The following EDARADD variants were observed in gnomAD, a reference collection of about 807,000 sequenced individuals.
EDARADD encodes the protein EDAR associated via death domain.
In EDARADD, 20 loss-of-function variants were observed where a neutral mutation model predicts 25.6. That is an observed-to-expected ratio of 0.78 (90% confidence interval 0.55 to 1.14). The LOEUF (loss-of-function observed/expected upper bound fraction) is 1.14. Among genes scored for constraint, EDARADD ranks in the 50% most tolerant of loss-of-function variants. The pLI is 0.00. For synonymous variants in EDARADD, 86 were observed against 94.4 expected (o/e 0.91, Z 0.52); for missense variants, 225 against 270.1 (o/e 0.83, Z 1.17).
intron 2 of EDARADD, among the ~76,000 whole-genome samples, chr1:236,411,680 C>G (rs893021107): frequency 6.6e-6 from 1 of 152,042 alleles, no homozygotes; most frequent in Non-Finnish European, 1.5e-5. Flanking sequence ...TCCCAAGTAG[C>G]TGGGATTACA....
chr1:236,483,626 T>C lies in EDARADD; in HGVS notation c.*977T>C. On this transcript the variant is annotated 3_prime_UTR_variant, in exon 6 of 6. Coordinates refer to ENST00000334232, the MANE Select transcript of EDARADD (RefSeq NM_145861.4). ...CAGTCCCGGTGTTCAATGTCATCAATGGCAGTTCTCATGCTGTCACCAAGC... is the reference window on the plus strand; with the variant it reads ...CAGTCCCGGTGTTCAATGTCATCAACGGCAGTTCTCATGCTGTCACCAAGC... The C allele has an allele frequency of 1.3e-6, 2 of 1,554,794 alleles. No homozygotes were observed. The highest frequency in any genetic ancestry group is 1.8e-4 in the Middle Eastern group (1 of 5,438).
chr1:236,366,181 G>T (rs563973044), intron 3 of EDARADD, among the ~76,000 whole-genome samples: 1 of 152,310 alleles, frequency 6.6e-6, no homozygotes, highest in South Asian at 2.1e-4. Context: ...CAGACATTGT[G>T]ACTTTATCTT....
chr1:236,444,206 T>C (rs1420647631), intron 4 of EDARADD, among the ~76,000 whole-genome samples: 2 of 152,232 alleles, frequency 1.3e-5, no homozygotes, highest in Non-Finnish European at 2.9e-5. Context: ...CAAAAATTTA[T>C]GTGACCTGCT....
chr1:236,472,942 A>AG (rs1184366537), intron 5 of EDARADD, among the ~76,000 whole-genome samples: 4 of 152,066 alleles, frequency 2.6e-5, no homozygotes, highest in African/African-American at 9.7e-5. Flanking sequence ...ACACCAAAAA[A>AG]ACTTGCATCA....
chr1:236,467,499 T>C (rs1008953206), intron 4 of EDARADD, among the ~76,000 whole-genome samples: 10 of 151,634 alleles, frequency 6.6e-5, no homozygotes, highest in Non-Finnish European at 1.0e-4. Flanking sequence ...CTCACATCCC[T>C]GTAGCATGAT....
At chr1:236,412,363 G>A (rs894565507) in intron 2 of EDARADD, among the ~76,000 whole-genome samples, 2 of 152,122 alleles carry the variant, frequency 1.3e-5, no homozygotes, top group African/African-American at 4.8e-5. Context: ...AATTGTCATT[G>A]CCTGCTTGTC....
chr1:236,366,061 T>C (rs1276436593), intron 3 of EDARADD, among the ~76,000 whole-genome samples: 2 of 152,220 alleles, frequency 1.3e-5, no homozygotes, highest in East Asian at 3.8e-4. Flanking sequence ...ATGTAACAGA[T>C]ATAACGCTAA....
In EDARADD at chr1:236,353,678, C is replaced by CAAAAAA. The variant is rs34798233; in HGVS notation, c.-6+2854_-6+2859dup. ...GGGCAACAGAGCGAGACTCCAACTCCAAAAAAAAAAAAAAAAAAAAGATAT... is the reference window on the plus strand; with the variant it reads ...GGGCAACAGAGCGAGACTCCAACTCCAAAAAAAAAAAAAAAAAAAAAAAAAAGATAT... On this transcript the variant is annotated intron_variant, in intron 3 of 7. Coordinates refer to the EDARADD transcript ENST00000439430. 3.8e-3 allele frequency among the ~76,000 whole-genome samples: 296 copies of CAAAAAA among 78,412 alleles called. 4 individuals carry two copies. Among genetic ancestry groups the CAAAAAA allele is most frequent in the African/African-American group, 9.5e-3 (194 of 20,482 alleles). The allele number at this position is 78,412 out of a possible 152,430, so 51.4% of individuals were successfully genotyped here. A position where few individuals can be genotyped will look rare whatever the true frequency, so the allele number is the denominator to read the frequency against.
At chr1:236,362,081 C>G (rs1418274348) in intron 3 of EDARADD, among the ~76,000 whole-genome samples, 1 of 151,834 alleles carries the variant, frequency 6.6e-6, no homozygotes, top group Admixed American at 6.6e-5. Context: ...GTATTGTCAT[C>G]TGTTTCTTTT....
chr1:236,423,186 A>G (rs1342492047), intron 3 of EDARADD, among the ~76,000 whole-genome samples: 2 of 152,178 alleles, frequency 1.3e-5, no homozygotes, highest in African/African-American at 4.8e-5. Flanking sequence ...CTGACTTGCA[A>G]GTACTGGCAT....
chr1:236,381,398 T>C (rs905798062), intron 3 of EDARADD, among the ~76,000 whole-genome samples: 2 of 152,108 alleles, frequency 1.3e-5, no homozygotes. Flanking sequence ...AACGTGCAGG[T>C]TTGTTACATA....
intron 3 of EDARADD, among the ~76,000 whole-genome samples, chr1:236,418,759 T>C (rs1657706704): frequency 6.6e-6 from 1 of 152,218 alleles, no homozygotes; most frequent in South Asian, 2.1e-4. Flanking sequence ...CAATATGTTG[T>C]ATTTGATATG....
chr1:236,400,752 A>G (rs1194495486), intron 1 of EDARADD, among the ~76,000 whole-genome samples: 4 of 125,310 alleles, frequency 3.2e-5, no homozygotes, highest in African/African-American at 5.6e-5. Flanking sequence ...TTTTTAGTAG[A>G]GATGGGGTCT....
chr1:236,428,459 A>T (rs1267165722), intron 4 of EDARADD, among the ~76,000 whole-genome samples: 1 of 152,140 alleles, frequency 6.6e-6, no homozygotes, highest in African/African-American at 2.4e-5. Flanking sequence ...CATCGTCATC[A>T]TGGCCTGTTC....
At chr1:236,428,637 C>A (rs1331894897) in intron 4 of EDARADD, among the ~76,000 whole-genome samples, 33 of 140,948 alleles carry the variant, frequency 2.3e-4, no homozygotes, top group African/African-American at 7.1e-4. Flanking sequence ...CGGAGACGCT[C>A]CTCACTTCCT....
chr1:236,448,968 A>G (rs1658637137), intron 4 of EDARADD, among the ~76,000 whole-genome samples: 1 of 152,174 alleles, frequency 6.6e-6, no homozygotes, highest in Admixed American at 6.6e-5. Context: ...CTCAAACAAC[A>G]GAGATTTATG....
At chr1:236,348,477 G>A (rs1480596610) in intron 1 of EDARADD, among the ~76,000 whole-genome samples, 1 of 152,224 alleles carries the variant, frequency 6.6e-6, no homozygotes, top group Non-Finnish European at 1.5e-5. Flanking sequence ...CCGTCGCCGC[G>A]CCCCTCCCTG....
intron 1 of EDARADD, 49 bp from the exon 2 acceptor site, chr1:236,409,167 T>C (rs1421664681): frequency 5.4e-6 from 8 of 1,482,394 alleles, no homozygotes; most frequent in Non-Finnish European, 6.6e-6. Flanking sequence ...TTTGTGGTTT[T>C]AAATTAAAGC....
At chr1:236,478,785 A>G (rs893188819) in intron 5 of EDARADD, among the ~76,000 whole-genome samples, 2 of 152,016 alleles carry the variant, frequency 1.3e-5, no homozygotes, top group Non-Finnish European at 2.9e-5. Context: ...ACTGGGTTTC[A>G]CCGTGTTAGC....
Sources: allele counts gnomAD v4.1 joint callset (sites outside exome capture counted in the v4.1 genomes callset), GRCh38; gene constraint gnomAD v4.1.1; transcripts MANE v1.5; gene names NCBI Gene and HGNC (gene_info 2026-07-23, HGNC 2026-07-21).